The following CEP128 variants were observed in gnomAD, a reference collection of about 807,000 sequenced individuals.
CEP128 encodes centrosomal protein 128kDa.
In CEP128, 132 loss-of-function variants were observed where a neutral mutation model predicts 156.7. That is an observed-to-expected ratio of 0.84 (90% CI 0.73 to 0.97). The LOEUF (loss-of-function observed/expected upper bound fraction) is 0.97. CEP128 is among the 50% of genes least tolerant of loss of function. The probability of loss-of-function intolerance (pLI) is 0.00; values close to 1 mark genes in which losing one functional copy is unlikely to be tolerated. For missense variants in CEP128, 1,252 were observed against 1,281.9 expected, an observed-to-expected ratio of 0.98 and a Z score of 0.36; for synonymous variants, 469 against 448.9, an observed-to-expected ratio of 1.04 and a Z score of -0.57.
chr14:80,933,366 C>T (rs1375260400), intron 2 of CEP128, among the ~76,000 whole-genome samples: 1 of 152,178 alleles, frequency 6.6e-6, no homozygotes, highest in Non-Finnish European at 1.5e-5. Flanking sequence ...AGAGCCCCCT[C>T]TAAGTTTATA....
At chr14:80,886,093 A>G in intron 8 of CEP128, among the ~76,000 whole-genome samples, 1 of 152,150 alleles carries the variant, frequency 6.6e-6, no homozygotes, top group East Asian at 1.9e-4. Flanking sequence ...AAGAGTGAAA[A>G]GGAACAAACA....
At chr14:80,814,270 TTATCTA>T (rs1237479844) in intron 13 of CEP128, among the ~76,000 whole-genome samples, 1 of 152,196 alleles carries the variant, frequency 6.6e-6, no homozygotes, top group African/African-American at 2.4e-5. Context: ...AGGACTCCAA[TTATCTA>T]TATCTATATT....
At chr14:80,788,269 C>A (rs1901516049) in intron 14 of CEP128, among the ~76,000 whole-genome samples, 1 of 137,572 alleles carries the variant, frequency 7.3e-6, no homozygotes, top group Non-Finnish European at 1.6e-5. Context: ...GAATTGGGTT[C>A]TCTTTGTCTG....
At chr14:80,894,072 G>C (rs1889231140) in intron 8 of CEP128, among the ~76,000 whole-genome samples, 1 of 151,826 alleles carries the variant, frequency 6.6e-6, no homozygotes, top group African/African-American at 2.4e-5. Context: ...TTACATAAGA[G>C]AACATCTTCG....
At chr14:80,587,688 G>A (rs762005479) in intron 19 of CEP128, among the ~76,000 whole-genome samples, 4 of 152,106 alleles carry the variant, frequency 2.6e-5, no homozygotes, top group Non-Finnish European at 5.9e-5. Flanking sequence ...TTGGTAACAT[G>A]AGCAGAGAAA....
chr14:80,513,624 G>T (rs534729858), intron 23 of CEP128, among the ~76,000 whole-genome samples: 5 of 152,218 alleles, frequency 3.3e-5, no homozygotes, highest in African/African-American at 1.2e-4. Context: ...TTGAGGAGAA[G>T]ACTAAGCTCT....
intron 19 of CEP128, among the ~76,000 whole-genome samples, chr14:80,613,108 G>A (rs145995495): frequency 0.072 from 10,734 of 148,524 alleles, 456 homozygotes; most frequent in African/African-American, 0.096. Context: ...CGCCCACCTC[G>A]GCCTCCCAAA....
intron 24 of CEP128, among the ~76,000 whole-genome samples, chr14:80,503,431 A>G (rs1887827141): frequency 6.6e-6 from 1 of 152,318 alleles, no homozygotes; most frequent in African/African-American, 2.4e-5. Flanking sequence ...TACTAAATAC[A>G]ATTCCAAAAT....
chr14:80,678,428 C>T (rs1220988924), intron 19 of CEP128, among the ~76,000 whole-genome samples: 5 of 151,460 alleles, frequency 3.3e-5, no homozygotes, highest in African/African-American at 1.2e-4. Flanking sequence ...TTGGTTTTCT[C>T]CCCCCACAAA....
Position 80,904,834 on chromosome 14 carries a change from T to C in CEP128, c.459A>G (p.Gln153=). Residue 153 remains glutamine, a synonymous_variant, in exon 6 of 25, where the codon CAA becomes CAG. Transcript: ENST00000555265. ...MRSRTGVRFV[Q]ETDDMTQLHG... ...GTACCTGAGTCATATCATCAGTCTC[T>C]TGAACAAACCGGACACCAGTTCTTG... 2 of 1,598,138 alleles carry C rather than the reference T, an allele frequency of 1.3e-6. No individual in the cohort carries two copies. The highest frequency in any genetic ancestry group is 1.1e-5 in the South Asian group (1 of 90,732).
intron 2 of CEP128, among the ~76,000 whole-genome samples, chr14:80,927,206 CG>C (rs1376815624): frequency 1.3e-5 from 2 of 152,194 alleles, no homozygotes; most frequent in Non-Finnish European, 2.9e-5. Context: ...CAAAAGAAAC[CG>C]GACTGCAGGC....
At chr14:80,875,009 G>T (rs982761752) in intron 8 of CEP128, among the ~76,000 whole-genome samples, 4 of 152,188 alleles carry the variant, frequency 2.6e-5, no homozygotes, top group Non-Finnish European at 5.9e-5. Context: ...GGAGAGAATG[G>T]TCTATCCTTT....
chr14:80,664,692 G>A (rs965519816), intron 19 of CEP128, among the ~76,000 whole-genome samples: 7 of 152,148 alleles, frequency 4.6e-5, no homozygotes, highest in Admixed American at 2.6e-4. Flanking sequence ...TCTGACTTCA[G>A]GAATGAATGC....
chr14:80,779,265 C>T (rs1900969094), intron 15 of CEP128, among the ~76,000 whole-genome samples: 1 of 152,076 alleles, frequency 6.6e-6, no homozygotes, highest in African/African-American at 2.4e-5. Context: ...GGAACGCAAT[C>T]AATGGAAACA....
intron 16 of CEP128, among the ~76,000 whole-genome samples, chr14:80,765,852 G>A (rs1474875877): frequency 6.6e-6 from 1 of 152,150 alleles, no homozygotes; most frequent in African/African-American, 2.4e-5. Flanking sequence ...CCCATAACCT[G>A]ATCCCCTGAC....
chr14:80,749,126 T>C (rs1899256645), intron 18 of CEP128, among the ~76,000 whole-genome samples: 1 of 152,088 alleles, frequency 6.6e-6, no homozygotes, highest in Admixed American at 6.6e-5. Context: ...CTCCAGGCAG[T>C]TCAGCACTGA....
intron 20 of CEP128, among the ~76,000 whole-genome samples, chr14:80,580,164 T>C (rs1472515980): frequency 6.6e-6 from 1 of 152,212 alleles, no homozygotes; most frequent in African/African-American, 2.4e-5. Context: ...AAATTTCCTA[T>C]CAAAAGTAGC....
chr14:80,520,834 A>G (rs1435400677), intron 23 of CEP128, among the ~76,000 whole-genome samples: 1 of 151,376 alleles, frequency 6.6e-6, no homozygotes, highest in Non-Finnish European at 1.5e-5. Context: ...TTATTTATTT[A>G]TTTTTTGAGA....
At chr14:80,592,449 C>T (rs1019265061) in intron 19 of CEP128, among the ~76,000 whole-genome samples, 3 of 152,146 alleles carry the variant, frequency 2.0e-5, no homozygotes, top group African/African-American at 7.2e-5. Flanking sequence ...CAAGACTAAA[C>T]TAGGAAGAAG....
Sources: gnomAD v4.1 joint callset for allele counts (sites outside exome capture counted in the v4.1 genomes callset) on GRCh38, gnomAD v4.1.1 for gene constraint, MANE v1.5 for transcripts, NCBI Gene and HGNC (gene_info 2026-07-23, HGNC 2026-07-21) for gene names.